The following TLCD4 variants were observed in gnomAD, a reference collection of about 807,000 sequenced individuals.
TLCD4 encodes the protein TLC domain containing 4.
TLCD4 carries 7 observed loss-of-function variants against 24.2 expected under a neutral mutation model. The ratio of observed to expected loss-of-function variants is 0.29; its 90% confidence interval spans 0.16 to 0.54. TLCD4 has a LOEUF of 0.54. Ranked by LOEUF, TLCD4 falls within the 20% of genes least tolerant of loss-of-function variation. The pLI, the probability that TLCD4 is intolerant of heterozygous loss-of-function variation, is 0.95. For missense variants in TLCD4, 259 were observed against 313.9 expected, an observed-to-expected ratio of 0.82 and a Z score of 1.32; for synonymous variants, 103 against 106.4, an observed-to-expected ratio of 0.97 and a Z score of 0.20.
At chr1:95,175,773 TTTC>T (rs1341441129) in intron 6 of TLCD4, among the ~76,000 whole-genome samples, 1 of 151,848 alleles carries the variant, frequency 6.6e-6, no homozygotes, top group African/African-American at 2.4e-5. Context: ...TTCTTTTTCT[TTTC>T]TTTTCTTTTT....
intron 5 of TLCD4, among the ~76,000 whole-genome samples, chr1:95,162,856 T>C (rs1427541976): frequency 6.6e-6 from 1 of 152,262 alleles, no homozygotes; most frequent in Non-Finnish European, 1.5e-5. Flanking sequence ...TTGTAGAGTT[T>C]CTGCCGAGAG....
upstream of TLCD4, among the ~76,000 whole-genome samples, chr1:95,113,289 G>A (rs1291403633): frequency 6.6e-6 from 1 of 151,964 alleles, no homozygotes; most frequent in Non-Finnish European, 1.5e-5. Flanking sequence ...CGGGTGATCT[G>A]CCTGTCTAGG....
At chr1:95,111,087 T>C in the TLCD4 span, among the ~76,000 whole-genome samples, 2 of 151,788 alleles carry the variant, frequency 1.3e-5, no homozygotes, top group South Asian at 4.2e-4. Context: ...AGGCAAGGTA[T>C]TTGAGACCAG....
chr1:95,149,984 A>AG (rs1677448811), intron 3 of TLCD4, among the ~76,000 whole-genome samples: 1 of 152,134 alleles, frequency 6.6e-6, no homozygotes, highest in African/African-American at 2.4e-5. Flanking sequence ...TTACTATGTA[A>AG]GATAACAGCA....
rs1391866513 is a variant in TLCD4 at position 95,194,018 on chromosome 1, C to T, written c.*2150C>T. 1 of 152,090 alleles carries T rather than the reference C, an allele frequency of 6.6e-6. No homozygotes were observed. Among genetic ancestry groups the T allele is most frequent in the Non-Finnish European group, 1.5e-5 (1 of 67,952 alleles). The allele number at this position is 152,090 out of a possible 1,614,324, so 9.4% of individuals were successfully genotyped here. A position where few individuals can be genotyped will look rare whatever the true frequency, so the allele number is the denominator to read the frequency against. ...GTTCTGAACACAGATTTTAAACCCA[C>T]TATCAAAATGAAAACAATATAAAGC... is the stretch of plus-strand genomic sequence containing the variant. On this transcript the variant is annotated 3_prime_UTR_variant, in exon 7 of 7. Coordinates refer to ENST00000370203, the MANE Select transcript of TLCD4 (RefSeq NM_152487.3).
intron 4 of TLCD4, among the ~76,000 whole-genome samples, chr1:95,150,834 T>C (rs2100947156): frequency 6.6e-6 from 1 of 152,286 alleles, no homozygotes; most frequent in Non-Finnish European, 1.5e-5. Context: ...CCATCTTATC[T>C]CTGTTTGAAT....
intron 1 of TLCD4, among the ~76,000 whole-genome samples, chr1:95,140,246 T>C (rs998136187): frequency 6.6e-6 from 1 of 152,228 alleles, no homozygotes; most frequent in African/African-American, 2.4e-5. Context: ...TGCTAGACTT[T>C]TATATGACCG....
intron 1 of TLCD4, chr1:95,120,187 G>C (rs1676533080): frequency 6.6e-6 from 1 of 152,226 alleles, no homozygotes. Flanking sequence ...TCAAGGATGG[G>C]AAACAGACTT....
rs146609357 is a variant in TLCD4, at chr1:95,162,456, A to G, written c.399+11037A>G. 0.017 allele frequency among the ~76,000 whole-genome samples: 2,528 copies of G among 151,266 alleles called. 174 individuals are homozygous for G. The East Asian group carries it at 0.2, about 12-fold the overall frequency. ...CTGATGGGACTTGACTCTTTATCCA[A>G]TTTGCCAGTCTGTGTCTTTTAATTG... is the stretch of plus-strand genomic sequence containing the variant. On this transcript the variant is annotated intron_variant, in intron 5 of 6. Coordinates refer to ENST00000370203, the MANE Select transcript of TLCD4 (RefSeq NM_152487.3).
At chr1:95,182,394 A>T (rs1557697601) in intron 6 of TLCD4, among the ~76,000 whole-genome samples, 1 of 152,082 alleles carries the variant, frequency 6.6e-6, no homozygotes, top group East Asian at 1.9e-4. Context: ...GAAATGCCTT[A>T]TGTGTACTTC....
At chr1:95,145,090 C>T (rs1453970351) in intron 2 of TLCD4, among the ~76,000 whole-genome samples, 1 of 152,166 alleles carries the variant, frequency 6.6e-6, no homozygotes, top group African/African-American at 2.4e-5. Flanking sequence ...TCTTCACGTG[C>T]TTTAGAGCAT....
At chr1:95,158,422 A>T (rs1253440008) in intron 5 of TLCD4, among the ~76,000 whole-genome samples, 1 of 151,866 alleles carries the variant, frequency 6.6e-6, no homozygotes, top group Non-Finnish European at 1.5e-5. Flanking sequence ...GGCTCAAGTG[A>T]TCCTCCTGCC....
the TLCD4 span, among the ~76,000 whole-genome samples, chr1:95,094,157 G>T: frequency 2.6e-5 from 4 of 152,166 alleles, no homozygotes; most frequent in African/African-American, 9.7e-5. Context: ...CTGATACAAG[G>T]TCTCACTCTG....
At chr1:95,127,737 T>C (rs1008127913) in intron 1 of TLCD4, among the ~76,000 whole-genome samples, 1 of 152,226 alleles carries the variant, frequency 6.6e-6, no homozygotes, top group African/African-American at 2.4e-5. Context: ...TAGCATAGAC[T>C]TCTTCCAAGG....
At chr1:95,095,844 A>C in the TLCD4 span, among the ~76,000 whole-genome samples, 22 of 152,360 alleles carry the variant, frequency 1.4e-4, no homozygotes, top group South Asian at 4.6e-3. Flanking sequence ...ATATTTGAAA[A>C]GTGAGTATTG....
intron 1 of TLCD4, among the ~76,000 whole-genome samples, chr1:95,139,349 GTACACTT>G (rs1677135385): frequency 6.7e-6 from 1 of 150,298 alleles, no homozygotes; most frequent in South Asian, 2.1e-4. Context: ...TATAAACACT[GTACACTT>G]AGGCAACACT....
the TLCD4 span, among the ~76,000 whole-genome samples, chr1:95,094,536 T>A: frequency 6.6e-6 from 1 of 152,192 alleles, no homozygotes; most frequent in Non-Finnish European, 1.5e-5. Context: ...TGATAATTTT[T>A]AAACGGCAAC....
rs139939264 is a variant in TLCD4 at position 95,146,881 on chromosome 1, A to G, written c.156-1821A>G. 4.8e-3 allele frequency among the ~76,000 whole-genome samples: 725 copies of G among 152,278 alleles called. 8 individuals carry two copies. Among genetic ancestry groups the G allele is most frequent in the African/African-American group, 0.016 (678 of 41,568 alleles). ...ACATAACATCTCAAAAGAGAAGTGAATCTGAGGCCTGAGTGTCAGAAATAA... is the reference window on the plus strand; with the variant it reads ...ACATAACATCTCAAAAGAGAAGTGAGTCTGAGGCCTGAGTGTCAGAAATAA... On this transcript the variant is annotated intron_variant, in intron 2 of 6. Transcript: ENST00000370203.
chr1:95,105,380 T>C, the TLCD4 span, among the ~76,000 whole-genome samples: 1 of 152,210 alleles, frequency 6.6e-6, no homozygotes, highest in Non-Finnish European at 1.5e-5. Flanking sequence ...ATAATCCAGG[T>C]GTATTCAGTG....
Sources: allele counts gnomAD v4.1 joint callset (sites outside exome capture counted in the v4.1 genomes callset), GRCh38; gene constraint gnomAD v4.1.1; transcripts MANE v1.5; gene names NCBI Gene and HGNC (gene_info 2026-07-23, HGNC 2026-07-21).